TMC3: variants seen among roughly 807,000 people sequenced by gnomAD.
TMC3 encodes the protein transmembrane channel like 3, also known as transmembrane channel-like protein 3.
A neutral mutation model predicts 110.6 loss-of-function variants in TMC3; 98 were observed. The ratio of observed to expected loss-of-function variants is 0.89; its 90% CI spans 0.75 to 1.05. The LOEUF (loss-of-function observed/expected upper bound fraction) is 1.05. TMC3 is among the 50% of genes least tolerant of loss of function. TMC3 has a pLI of 0.00. For synonymous variants in TMC3, 489 were observed against 513.1 expected (o/e 0.95, Z 0.63); for missense variants, 1,319 against 1,373.2 (o/e 0.96, Z 0.62).
intron 3 of TMC3, among the ~76,000 whole-genome samples, 152 bp downstream of exon 3, chr15:81,368,101 A>C (rs576492467): frequency 6.6e-6 from 1 of 152,034 alleles, no homozygotes; most frequent in African/African-American, 2.4e-5. Flanking sequence ...CGCCCGGCTA[A>C]TTTTTGTATT....
chr15:81,337,560 C>A, intron 19 of TMC3: 1 of 520,178 alleles, frequency 1.9e-6, no homozygotes, highest in Admixed American at 3.2e-5. Flanking sequence ...ACACTGAGGG[C>A]TTGGTGTGGT....
chr15:81,372,699 T>C lies in TMC3; in HGVS notation c.128A>G (p.Asp43Gly). ...GAAGATTTGTTCCGGATCATTGCTG[T>C]CCCCTGTTTCATCAGCACTAAAGCT... ...DDSFSADETGDSNDPEQIFQN... is the reference protein window; with the variant it reads ...DDSFSADETGGSNDPEQIFQN... The change falls in exon 2 of 22, where the codon GAC (aspartate) becomes GGC (glycine). Residue 43 changes from aspartate to glycine, a missense_variant. Transcript: ENST00000359440. 1 of 1,614,028 alleles carries C rather than the reference T, an allele frequency of 6.2e-7. No individual in the cohort carries two copies. The highest frequency in any genetic ancestry group is 1.1e-5 in the South Asian group (1 of 91,086).
chr15:81,339,284 T>C, intron 17 of TMC3, 110 bp downstream of exon 17: 1 of 854,254 alleles, frequency 1.2e-6, no homozygotes, highest in East Asian at 2.7e-5. Flanking sequence ...GTTTGCAATC[T>C]TTCTATCCTG....
At position 81,372,747 on chromosome 15, in the gene TMC3, C is replaced by T; in HGVS notation, c.90-10G>A. 1 of 1,613,556 alleles carries T rather than the reference C, an allele frequency of 6.2e-7. No homozygotes were observed. The highest frequency in any genetic ancestry group is 8.5e-7 in the Non-Finnish European group (1 of 1,179,676). ...GCTGTCATCCAAGTTGCTGAATGAT[C>T]AGGGCATTAAGGAGGAAATCTGATT... is the stretch of plus-strand genomic sequence containing the variant. On this transcript the variant is annotated splice_polypyrimidine_tract_variant and intron_variant, in intron 1 of 21. Transcript: ENST00000359440.
chr15:81,365,401 G>A (rs1281298913), intron 3 of TMC3, among the ~76,000 whole-genome samples: 1 of 152,218 alleles, frequency 6.6e-6, no homozygotes, highest in African/African-American at 2.4e-5. Context: ...GGCCGGGCGC[G>A]ATGGCTTATG....
chr15:81,337,719 A>C (rs1357919367), intron 19 of TMC3, 127 bp downstream of exon 19: 1 of 771,666 alleles, frequency 1.3e-6, no homozygotes, highest in Non-Finnish European at 2.3e-6. Context: ...GTGGCCTTGC[A>C]CCATAGTGGG....
chr15:81,335,745 C>T (rs1323252796), intron 20 of TMC3: 1 of 152,262 alleles, frequency 6.6e-6, no homozygotes, highest in South Asian at 2.1e-4. Context: ...GCCCAGTGAG[C>T]CTTCTAGCTC....
chr15:81,373,804 T>C (rs2141431805), intron 1 of TMC3, among the ~76,000 whole-genome samples, 185 bp downstream of exon 1: 1 of 152,130 alleles, frequency 6.6e-6, no homozygotes, highest in Admixed American at 6.6e-5. Flanking sequence ...AAGAACCATT[T>C]CCCCCCATGC....
chr15:81,361,894 G>C (rs1360937233), intron 4 of TMC3: 1 of 172,764 alleles, frequency 5.8e-6, no homozygotes, highest in African/African-American at 2.4e-5. Context: ...AATTCCTTGA[G>C]CTACCCTCTT....
In TMC3 at chr15:81,356,483, T is replaced by G. The variant is rs1189026485; in HGVS notation, c.855A>C (p.Ala285=). Reference sequence around the variant, plus strand: ...TCACTATGGCAGCTGTTTTGCTCTCTGCAGCCTCTGGGTTTCCAATGAGGT... The same window carrying G: ...TCACTATGGCAGCTGTTTTGCTCTCGGCAGCCTCTGGGTTTCCAATGAGGT... ...WDYLIGNPEA[A]ESKTAAIVNS... Residue 285 remains alanine (A), a synonymous_variant, in exon 8 of 22, where the codon GCA becomes GCC. Transcript: ENST00000359440. 1 of 1,568,378 alleles carries G rather than the reference T, an allele frequency of 6.4e-7. No homozygotes were observed. Among genetic ancestry groups the G allele is most frequent in the Non-Finnish European group, 8.6e-7 (1 of 1,156,158 alleles).
intron 4 of TMC3, chr15:81,361,937 C>T (rs1039837357): frequency 4.5e-6 from 1 of 223,110 alleles, no homozygotes; most frequent in East Asian, 1.0e-4. Context: ...TTGATCCTTT[C>T]GGGGTTTGCA....
rs187666599 is a variant in TMC3, at chr15:81,352,114, A to T, written c.936-273T>A. On this transcript the variant is annotated intron_variant, in intron 9 of 21. Coordinates refer to ENST00000359440, the MANE Select transcript of TMC3 (RefSeq NM_001080532.3). ...TAAACGCCTCTTGTTTTAGAGTCAG[A>T]GTATTTGGGGTTCAGTTCTAGCTTC... Among the ~76,000 whole-genome samples the T allele has an allele frequency of 7.7e-4, 118 of 152,312 alleles. 2 individuals carry two copies. Among genetic ancestry groups the T allele is most frequent in the Admixed American group, 3.0e-3 (46 of 15,296 alleles).
chr15:81,355,115 C>T (rs1270746907), intron 9 of TMC3, among the ~76,000 whole-genome samples: 1 of 152,150 alleles, frequency 6.6e-6, no homozygotes, highest in Admixed American at 6.5e-5. Context: ...TCCTTAATTC[C>T]CCATGTCCTT....
chr15:81,349,916 C>A (rs1160169740), intron 10 of TMC3, among the ~76,000 whole-genome samples: 4 of 146,354 alleles, frequency 2.7e-5, no homozygotes, highest in Admixed American at 2.1e-4. Context: ...TGAGGCCAGG[C>A]ATTGAAGACC....
At chr15:81,349,164 G>C (rs543492877) in intron 11 of TMC3, among the ~76,000 whole-genome samples, 1 of 151,882 alleles carries the variant, frequency 6.6e-6, no homozygotes, top group African/African-American at 2.4e-5. Flanking sequence ...TTTTCTGCCT[G>C]TTCTTCCTTT....
At chr15:81,338,872 A>G (rs1739554631) in intron 17 of TMC3, 92 bp from the exon 18 acceptor site, 1 of 1,344,426 alleles carries the variant, frequency 7.4e-7, no homozygotes, top group African/African-American at 1.5e-5. Flanking sequence ...CCTGGAGGCC[A>G]ATTCATAACA....
chr15:81,357,079 C>A (rs532166888), intron 7 of TMC3, among the ~76,000 whole-genome samples: 1 of 152,230 alleles, frequency 6.6e-6, no homozygotes, highest in South Asian at 2.1e-4. Flanking sequence ...AGGTGAAACT[C>A]TCCCTACTTT....
intron 19 of TMC3, among the ~76,000 whole-genome samples, 187 bp from the exon 20 acceptor site, chr15:81,336,838 G>C (rs1442849136): frequency 1.3e-5 from 2 of 152,174 alleles, no homozygotes; most frequent in Non-Finnish European, 2.9e-5. Flanking sequence ...AATAAATGCA[G>C]ATACCTGAGA....
At position 81,354,768 on chromosome 15, in the gene TMC3, A is replaced by G. The variant is rs143950783; in HGVS notation, c.935+957T>C. 6.5e-4 allele frequency among the ~76,000 whole-genome samples: 99 copies of G among 151,884 alleles called. 1 individual carries two copies. The East Asian group carries it at 0.018, about 28-fold the overall frequency. On this transcript the variant is annotated intron_variant, in intron 9 of 21. Transcript: ENST00000359440. ...CAGATCACAACTCTTCCCTCTACAC[A>G]TGTTTTGGCCCTTGATTTGCACAAT...
Sources: allele counts gnomAD v4.1 joint callset (sites outside exome capture counted in the v4.1 genomes callset), GRCh38; gene constraint gnomAD v4.1.1; transcripts MANE v1.5; gene names NCBI Gene and HGNC (gene_info 2026-07-23, HGNC 2026-07-21).